Variants in PTPRK observed in about 807,000 individuals in gnomAD.
The protein encoded by PTPRK is receptor-type tyrosine-protein phosphatase kappa.
PTPRK carries 75 observed loss-of-function variants against 178.0 expected under a neutral mutation model. That is an observed-to-expected ratio of 0.42 (90% CI 0.35 to 0.51). The LOEUF (loss-of-function observed/expected upper bound fraction) is 0.51, where lower values mean the gene tolerates loss of function less well. Ranked by LOEUF, PTPRK falls within the 20% of genes least tolerant of loss-of-function variation. The pLI, the probability that PTPRK is intolerant of heterozygous loss-of-function variation, is 0.02. For synonymous variants in PTPRK, 637 were observed against 620.6 expected, an observed-to-expected ratio of 1.03 and a Z score of -0.39; for missense variants, 1,441 against 1,797.8, an observed-to-expected ratio of 0.80 and a Z score of 3.59.
At chr6:128,300,464 A>C (rs1825386544) in intron 3 of PTPRK, among the ~76,000 whole-genome samples, 1 of 152,062 alleles carries the variant, frequency 6.6e-6, no homozygotes, top group African/African-American at 2.4e-5. Flanking sequence ...AAAGACTTGG[A>C]TCCAACCCAA....
At chr6:128,021,403 G>A (rs549077444) in intron 13 of PTPRK, among the ~76,000 whole-genome samples, 45 of 152,256 alleles carry the variant, frequency 3.0e-4, no homozygotes, top group African/African-American at 7.2e-4. Context: ...CTGGGAGGCC[G>A]AGGCTGGTGG....
In PTPRK at chr6:128,396,503, G is replaced by A. The variant is rs561143268; in HGVS notation, c.223+1063C>T. Among the ~76,000 whole-genome samples, 13 of 151,998 alleles carry A rather than the reference G, an allele frequency of 8.6e-5. No homozygotes were observed. In the South Asian group the frequency reaches 2.3e-3, roughly 27 times the overall value. On this transcript the variant is annotated intron_variant, in intron 2 of 29. Transcript: ENST00000368226. ...TGTTATTGCTAAGCATATACGCACA[G>A]AACTTGGAATTTGCTCCAGATTAAT...
intron 5 of PTPRK, among the ~76,000 whole-genome samples, chr6:128,236,079 GT>G (rs983812870): frequency 2.8e-4 from 42 of 152,148 alleles, no homozygotes; most frequent in Middle Eastern, 6.8e-3. Context: ...TATATGTGGG[GT>G]TTGGTACTAT....
At chr6:128,116,962 T>C (rs918041754) in intron 7 of PTPRK, among the ~76,000 whole-genome samples, 2 of 151,954 alleles carry the variant, frequency 1.3e-5, no homozygotes, top group Non-Finnish European at 2.9e-5. Context: ...CTGGCTAATA[T>C]GGTGAAACCC....
At chr6:128,153,117 G>C (rs964497838) in intron 7 of PTPRK, among the ~76,000 whole-genome samples, 2 of 151,754 alleles carry the variant, frequency 1.3e-5, no homozygotes, top group Non-Finnish European at 2.9e-5. Flanking sequence ...AATGTGTTTG[G>C]GAAGAAAAAT....
intron 14 of PTPRK, among the ~76,000 whole-genome samples, chr6:128,007,346 G>A (rs1055953374): frequency 6.6e-6 from 1 of 150,730 alleles, no homozygotes; most frequent in Non-Finnish European, 1.5e-5. Context: ...CTTTTCCTGG[G>A]TATAAAGGTG....
At chr6:128,377,314 G>T (rs1837240974) in intron 2 of PTPRK, among the ~76,000 whole-genome samples, 1 of 152,128 alleles carries the variant, frequency 6.6e-6, no homozygotes, top group Non-Finnish European at 1.5e-5. Flanking sequence ...TTACATGGAT[G>T]GCAGCAGGCA....
intron 25 of PTPRK, among the ~76,000 whole-genome samples, chr6:127,979,516 A>G (rs1775015313): frequency 1.3e-5 from 2 of 152,210 alleles, no homozygotes; most frequent in African/African-American, 4.8e-5. Flanking sequence ...TAAAAAGAAA[A>G]GGTATAATTA....
intron 5 of PTPRK, among the ~76,000 whole-genome samples, chr6:128,225,323 T>G (rs2128276018): frequency 6.6e-6 from 1 of 152,296 alleles, no homozygotes; most frequent in Admixed American, 6.5e-5. Context: ...TTTCTTATGT[T>G]TGATATTTAG....
In PTPRK at chr6:127,973,126, C is replaced by A; in HGVS notation, c.4165G>T (p.Ala1389Ser). Reference sequence around the variant, plus strand: ...ACCATTTCAACAACGATGCCTATAGCACAGAACATGCCACTTCGCCCGCCA... The same window carrying A: ...ACCATTTCAACAACGATGCCTATAGAACAGAACATGCCACTTCGCCCGCCA... ...NGGGRSGMFCAIGIVVEMVKR... is the reference protein window; with the variant it reads ...NGGGRSGMFCSIGIVVEMVKR... The change falls in exon 29 of 30, where the codon GCT becomes TCT. Residue 1389 changes from alanine (A) to serine (S), a missense_variant. Ala to Ser is a moderately conservative substitution (Grantham distance 99, BLOSUM62 1). Coordinates refer to ENST00000368226, the MANE Select transcript of PTPRK (RefSeq NM_002844.4). 1 of 1,613,846 alleles carries A rather than the reference C, an allele frequency of 6.2e-7. No individual in the cohort carries two copies. The highest frequency in any genetic ancestry group is 8.5e-7 in the Non-Finnish European group (1 of 1,179,872).
chr6:128,401,658 T>C (rs982442640), intron 1 of PTPRK, among the ~76,000 whole-genome samples: 2 of 152,210 alleles, frequency 1.3e-5, no homozygotes, highest in Non-Finnish European at 2.9e-5. Context: ...CTCTAGATTC[T>C]TAATTTTCTG....
At chr6:128,344,291 TC>T (rs1832094023) in intron 2 of PTPRK, among the ~76,000 whole-genome samples, 1 of 152,136 alleles carries the variant, frequency 6.6e-6, no homozygotes, top group Admixed American at 6.6e-5. Context: ...GCTCCCACTC[TC>T]AGAAACCCTC....
chr6:128,010,864 T>A (rs758061858), intron 13 of PTPRK, among the ~76,000 whole-genome samples: 2 of 151,074 alleles, frequency 1.3e-5, no homozygotes, highest in South Asian at 2.1e-4. Flanking sequence ...TAAGGGAGAT[T>A]CCCTTTCTGA....
intron 1 of PTPRK, among the ~76,000 whole-genome samples, chr6:128,433,704 A>T (rs938547221): frequency 2.0e-5 from 3 of 151,848 alleles, no homozygotes; most frequent in Non-Finnish European, 4.4e-5. Context: ...TTTGATAGAG[A>T]CAGGGTTTCG....
chr6:128,375,104 A>ATTG, intron 2 of PTPRK, among the ~76,000 whole-genome samples: 1 of 143,714 alleles, frequency 7.0e-6, no homozygotes, highest in African/African-American at 2.6e-5. Flanking sequence ...TATTATTATT[A>ATTG]TCCTTTTCCC....
rs79758717 is a variant in PTPRK at position 128,051,870 on chromosome 6, A to T, written c.2194+12888T>A. Among the ~76,000 whole-genome samples the T allele has an allele frequency of 8.8e-3, 1,324 of 150,070 alleles. 43 individuals are homozygous for T. Among genetic ancestry groups the T allele is most frequent in the East Asian group, 0.052 (268 of 5,130 alleles). ...TGGCTTTTCCAAAATGGCATAAATC[A>T]TTTTTTTTTTAATCTCAGCCTTTGT... On this transcript the variant is annotated intron_variant, in intron 13 of 29. Coordinates refer to ENST00000368226, the MANE Select transcript of PTPRK (RefSeq NM_002844.4).
chr6:127,999,687 C>T (rs1247742910), intron 15 of PTPRK, among the ~76,000 whole-genome samples: 2 of 152,028 alleles, frequency 1.3e-5, no homozygotes, highest in Admixed American at 6.6e-5. Context: ...ACCTCTTATT[C>T]ATTTTTACAT....
At chr6:128,321,648 C>T (rs1828804359) in intron 3 of PTPRK, 1 of 607,052 alleles carries the variant, frequency 1.6e-6, no homozygotes, top group African/African-American at 1.9e-5. Context: ...TCAGTCCAGT[C>T]TGAAGATTAC....
intron 7 of PTPRK, among the ~76,000 whole-genome samples, chr6:128,183,435 C>T (rs1033617084): frequency 5.9e-5 from 9 of 152,200 alleles, no homozygotes; most frequent in Admixed American, 3.3e-4. Context: ...ATTGGACTCT[C>T]TATCATCTAA....
Sources: gnomAD v4.1 joint callset for allele counts (sites outside exome capture counted in the v4.1 genomes callset) on GRCh38, gnomAD v4.1.1 for gene constraint, MANE v1.5 for transcripts, NCBI Gene and HGNC (gene_info 2026-07-23, HGNC 2026-07-21) for gene names.